MCTP1: variants seen among roughly 807,000 people sequenced by gnomAD.
The protein encoded by MCTP1 is multiple C2 and transmembrane domain-containing protein 1.
Under a neutral mutation model 120.6 loss-of-function variants are expected in MCTP1, and 69 were observed. The observed-to-expected ratio is 0.57, with a 90% CI of 0.47 to 0.70. The LOEUF (loss-of-function observed/expected upper bound fraction) is 0.70. MCTP1 is among the 30% of genes least tolerant of loss of function. MCTP1 has a pLI of 0.00. For missense variants in MCTP1, 1,203 were observed against 1,248.8 expected (o/e 0.96, Z 0.55); for synonymous variants, 529 against 493.1 (o/e 1.07, Z -0.96).
chr5:94,975,113 A>C (rs1210594374), intron 2 of MCTP1, among the ~76,000 whole-genome samples: 1 of 152,138 alleles, frequency 6.6e-6, no homozygotes, highest in Admixed American at 6.6e-5. Flanking sequence ...GTGTCCAAGC[A>C]GCAGTGAAGC....
At chr5:94,845,143 T>A (rs1792035652) in intron 17 of MCTP1, among the ~76,000 whole-genome samples, 1 of 152,174 alleles carries the variant, frequency 6.6e-6, no homozygotes, top group African/African-American at 2.4e-5. Context: ...GCAACCTGTA[T>A]TAGTCCATAT....
At position 95,060,950 on chromosome 5, in the gene MCTP1, A is replaced by G. The variant is rs547219464; in HGVS notation, c.721-43466T>C. On this transcript the variant is annotated intron_variant, in intron 1 of 22. Coordinates refer to ENST00000515393, the MANE Select transcript of MCTP1 (RefSeq NM_024717.7). ...GAGCATGCCACTCCACAAAAAAAAA[A>G]AAAAGAAAAGAAAAGAAAAGAAAAT... Among the ~76,000 whole-genome samples the G allele has an allele frequency of 7.5e-3, 1,116 of 149,312 alleles. 8 individuals carry two copies. Among genetic ancestry groups the G allele is most frequent in the African/African-American group, 0.027 (1,056 of 39,378 alleles).
intron 19 of MCTP1, among the ~76,000 whole-genome samples, chr5:94,768,523 TCAAA>T (rs537652629): frequency 6.6e-6 from 1 of 151,734 alleles, no homozygotes; most frequent in Admixed American, 6.6e-5. Context: ...TACAAAGAAC[TCAAA>T]CAACTCAACT....
At chr5:95,232,497 C>T (rs752976999) in intron 1 of MCTP1, among the ~76,000 whole-genome samples, 3 of 144,052 alleles carry the variant, frequency 2.1e-5, no homozygotes, top group Non-Finnish European at 3.0e-5. Flanking sequence ...CTCCCTCTGT[C>T]GCCCAGGCTG....
intron 1 of MCTP1, among the ~76,000 whole-genome samples, chr5:95,065,130 A>G (rs1750300621): frequency 6.6e-6 from 1 of 152,024 alleles, no homozygotes; most frequent in African/African-American, 2.4e-5. Flanking sequence ...GAAAACTTGA[A>G]CACTACTAAA....
At chr5:94,786,658 T>C (rs1290167127) in intron 18 of MCTP1, among the ~76,000 whole-genome samples, 1 of 152,232 alleles carries the variant, frequency 6.6e-6, no homozygotes, top group Admixed American at 6.5e-5. Context: ...TCATTTCTGC[T>C]TTATGTAGTG....
At position 94,857,977 on chromosome 5, in the gene MCTP1, C is replaced by G. The variant is rs901803664; in HGVS notation, c.2436+10356G>C. ...TTTTAAAGGCAATTTAGAAAGACAG[C>G]GATACAATGAAGCTGGGTCACCAGT... On this transcript the variant is annotated intron_variant, in intron 17 of 22. Transcript: ENST00000515393. Among the ~76,000 whole-genome samples the G allele has an allele frequency of 4.0e-5, 6 of 151,704 alleles. No individual in the cohort carries two copies. The Middle Eastern group carries it at 0.01, about 258-fold the overall frequency.
intron 17 of MCTP1, among the ~76,000 whole-genome samples, chr5:94,846,401 C>CAA (rs1204421058): frequency 6.6e-6 from 1 of 151,698 alleles, no homozygotes; most frequent in Admixed American, 6.6e-5. Context: ...AACAAAGAAA[C>CAA]AAAAAAAACA....
intron 2 of MCTP1, among the ~76,000 whole-genome samples, chr5:94,987,169 G>C (rs1172409556): frequency 6.6e-6 from 1 of 152,036 alleles, no homozygotes; most frequent in Non-Finnish European, 1.5e-5. Flanking sequence ...TAACTGTGTT[G>C]CATGCTTACT....
chr5:95,013,846 G>A (rs2153661966), intron 2 of MCTP1, among the ~76,000 whole-genome samples: 1 of 152,176 alleles, frequency 6.6e-6, no homozygotes. Flanking sequence ...CTACTTTCAA[G>A]GCTTATAATT....
At chr5:95,181,482 T>G (rs910176279) in intron 1 of MCTP1, among the ~76,000 whole-genome samples, 1 of 152,224 alleles carries the variant, frequency 6.6e-6, no homozygotes, top group African/African-American at 2.4e-5. Context: ...TCTTCCATGA[T>G]GACTTTATAT....
At chr5:95,174,286 A>G (rs1372557344) in intron 1 of MCTP1, among the ~76,000 whole-genome samples, 1 of 152,222 alleles carries the variant, frequency 6.6e-6, no homozygotes, top group African/African-American at 2.4e-5. Flanking sequence ...ACTGTCCAGC[A>G]CATTTTTTTC....
intron 2 of MCTP1, among the ~76,000 whole-genome samples, chr5:94,960,518 C>A (rs879837289): frequency 5.9e-5 from 9 of 151,964 alleles, no homozygotes; most frequent in Non-Finnish European, 8.8e-5. Context: ...TGCAATCTAT[C>A]CATCTGACAA....
intron 1 of MCTP1, among the ~76,000 whole-genome samples, chr5:95,222,680 C>T (rs1053446411): frequency 6.6e-6 from 1 of 152,150 alleles, no homozygotes; most frequent in Non-Finnish European, 1.5e-5. Context: ...AACTTTAAGA[C>T]TTTCCCTTTT....
intron 1 of MCTP1, among the ~76,000 whole-genome samples, chr5:95,183,507 A>G (rs1748848529): frequency 6.6e-6 from 1 of 152,060 alleles, no homozygotes; most frequent in Non-Finnish European, 1.5e-5. Flanking sequence ...TACTTTTCAA[A>G]GGATATCAAG....
rs190989674 is a variant in MCTP1 at position 95,148,060 on chromosome 5, G to A, written c.721-130576C>T. 5.9e-5 allele frequency among the ~76,000 whole-genome samples: 9 copies of A among 152,318 alleles called. No individual in the cohort carries two copies. The East Asian group carries it at 1.4e-3, about 23-fold the overall frequency. ...TTCTAGCTTGTAAGGTTTCTGCTGA[G>A]AGGTCTGCTGCTAGCCTATTGGGGT... is the stretch of plus-strand genomic sequence containing the variant. On this transcript the variant is annotated intron_variant, in intron 1 of 22. Coordinates refer to ENST00000515393, the MANE Select transcript of MCTP1 (RefSeq NM_024717.7).
intron 19 of MCTP1, among the ~76,000 whole-genome samples, chr5:94,717,295 C>T (rs756976045): frequency 6.6e-5 from 10 of 151,976 alleles, no homozygotes; most frequent in Non-Finnish European, 7.4e-5. Context: ...TCAATAGACG[C>T]GAAAAAGGCC....
intron 20 of MCTP1, among the ~76,000 whole-genome samples, chr5:94,713,010 T>C (rs1045779439): frequency 5.2e-4 from 79 of 152,094 alleles, no homozygotes; most frequent in Non-Finnish European, 3.1e-4. Context: ...ACTGCCCTTT[T>C]CTATTTCTAC....
intron 1 of MCTP1, among the ~76,000 whole-genome samples, chr5:95,192,717 T>C (rs1739056251): frequency 6.6e-6 from 1 of 152,086 alleles, no homozygotes; most frequent in Non-Finnish European, 1.5e-5. Flanking sequence ...AGCTTACCTA[T>C]TGGTAATTTT....
Sources: allele counts gnomAD v4.1 joint callset (sites outside exome capture counted in the v4.1 genomes callset), GRCh38; gene constraint gnomAD v4.1.1; transcripts MANE v1.5; gene names NCBI Gene and HGNC (gene_info 2026-07-23, HGNC 2026-07-21).